The following GRID2 variants were observed in gnomAD, a reference collection of about 807,000 sequenced individuals.
GRID2 encodes glutamate receptor ionotropic, delta-2.
A neutral mutation model predicts 114.8 loss-of-function variants in GRID2; 33 were observed. The ratio of observed to expected loss-of-function variants is 0.29; its 90% CI spans 0.22 to 0.38. GRID2 has a LOEUF of 0.38. Among genes scored for constraint, GRID2 ranks in the 10% least tolerant of loss-of-function variants. The pLI, the probability that GRID2 is intolerant of heterozygous loss-of-function variation, is 1.00. For missense variants in GRID2, 1,184 were observed against 1,257.7 expected (o/e 0.94, Z 0.89); for synonymous variants, 505 against 449.9 (o/e 1.12, Z -1.55).
At chr4:92,636,188 G>A (rs1325972467) in intron 2 of GRID2, among the ~76,000 whole-genome samples, 3 of 151,816 alleles carry the variant, frequency 2.0e-5, no homozygotes, top group Middle Eastern at 3.2e-3. Flanking sequence ...TTACTATTTC[G>A]TTGAAGATTA....
intron 8 of GRID2, among the ~76,000 whole-genome samples, chr4:93,315,451 GT>G (rs1756484047): frequency 6.6e-6 from 1 of 152,072 alleles, no homozygotes; most frequent in Non-Finnish European, 1.5e-5. Context: ...TTCTAGGAGT[GT>G]CCCCCTCCTA....
At chr4:92,531,435 GACA>G (rs970440464) in intron 1 of GRID2, among the ~76,000 whole-genome samples, 45 of 151,978 alleles carry the variant, frequency 3.0e-4, no homozygotes, top group African/African-American at 1.1e-3. Flanking sequence ...AAAACATGGA[GACA>G]ACAACATTTA....
chr4:93,769,162 G>C (rs1386157603), intron 14 of GRID2, 48 bp from the exon 15 acceptor site: 11 of 1,600,272 alleles, frequency 6.9e-6, no homozygotes, highest in Non-Finnish European at 8.6e-6. Flanking sequence ...GTGAACCAGG[G>C]CGATAACTAT....
chr4:93,484,261 A>G (rs1258738185), intron 11 of GRID2, among the ~76,000 whole-genome samples: 2 of 151,968 alleles, frequency 1.3e-5, no homozygotes, highest in South Asian at 4.1e-4. Context: ...CTTTTCCTCA[A>G]TCATTTTTCA....
chr4:92,900,987 A>C (rs1044636480), intron 2 of GRID2, among the ~76,000 whole-genome samples: 1 of 149,332 alleles, frequency 6.7e-6, no homozygotes, highest in Non-Finnish European at 1.5e-5. Flanking sequence ...TGTTTTAGAC[A>C]CTTAGGTTGA....
intron 2 of GRID2, among the ~76,000 whole-genome samples, chr4:92,723,478 A>T (rs1288639751): frequency 6.6e-6 from 1 of 152,186 alleles, no homozygotes; most frequent in East Asian, 1.9e-4. Context: ...TCTTTGAATC[A>T]TTACTTAAAT....
chr4:93,005,574 A>G (rs1391156342), intron 2 of GRID2, among the ~76,000 whole-genome samples: 1 of 152,104 alleles, frequency 6.6e-6, no homozygotes, highest in Non-Finnish European at 1.5e-5. Flanking sequence ...AATTGAAAAC[A>G]GGTATGCAAA....
chr4:93,014,942 C>T (rs1722534290), intron 2 of GRID2, among the ~76,000 whole-genome samples: 2 of 151,972 alleles, frequency 1.3e-5, no homozygotes, highest in South Asian at 4.1e-4. Flanking sequence ...AGATTCATTT[C>T]ACTGGAAAAA....
intron 2 of GRID2, among the ~76,000 whole-genome samples, chr4:92,835,730 T>C (rs1258224504): frequency 6.6e-6 from 1 of 152,154 alleles, no homozygotes; most frequent in East Asian, 1.9e-4. Context: ...TCCCTACATT[T>C]CCTAAAATTT....
At chr4:92,436,755 T>A (rs563402929) in intron 1 of GRID2, among the ~76,000 whole-genome samples, 11 of 152,244 alleles carry the variant, frequency 7.2e-5, no homozygotes, top group Admixed American at 1.3e-4. Flanking sequence ...TCTACATACA[T>A]TTAATATTGA....
chr4:93,668,240 T>C (rs957691035), intron 14 of GRID2, among the ~76,000 whole-genome samples: 1 of 152,032 alleles, frequency 6.6e-6, no homozygotes, highest in Non-Finnish European at 1.5e-5. Flanking sequence ...TCCCAAATAA[T>C]CACTATGAAA....
At chr4:92,530,701 A>G (rs977569154) in intron 1 of GRID2, among the ~76,000 whole-genome samples, 10 of 149,464 alleles carry the variant, frequency 6.7e-5, no homozygotes, top group Non-Finnish European at 1.5e-4. Context: ...GGAGCTTGAG[A>G]TCAGACTGAC....
At chr4:92,565,771 C>G (rs1727306441) in intron 1 of GRID2, among the ~76,000 whole-genome samples, 1 of 151,972 alleles carries the variant, frequency 6.6e-6, no homozygotes, top group Non-Finnish European at 1.5e-5. Context: ...ACTAGTTGCT[C>G]TCAGACACTA....
At chr4:93,588,450 A>G (rs1472420252) in intron 13 of GRID2, among the ~76,000 whole-genome samples, 1 of 152,156 alleles carries the variant, frequency 6.6e-6, no homozygotes, top group Non-Finnish European at 1.5e-5. Context: ...CAAACAGTCG[A>G]TCACCAGTGT....
intron 14 of GRID2, among the ~76,000 whole-genome samples, chr4:93,629,621 G>C (rs951756400): frequency 6.6e-6 from 1 of 151,840 alleles, no homozygotes; most frequent in African/African-American, 2.4e-5. Context: ...TCAGCATCCG[G>C]GGCCATTGAT....
intron 14 of GRID2, among the ~76,000 whole-genome samples, chr4:93,763,369 G>A (rs1242694895): frequency 6.6e-6 from 1 of 152,086 alleles, no homozygotes; most frequent in African/African-American, 2.4e-5. Context: ...CCACTGCTCA[G>A]TAGGCACAGT....
Position 92,866,607 on chromosome 4 carries a change from G to A in GRID2, c.245-218388G>A, listed in dbSNP as rs142852538. Reference sequence around the variant, plus strand: ...CACCCAGGCTGGAGTGCAGTGGCACGATCTCAGCTCACTGCAAGGTCCGCC... The same window carrying A: ...CACCCAGGCTGGAGTGCAGTGGCACAATCTCAGCTCACTGCAAGGTCCGCC... On this transcript the variant is annotated intron_variant, in intron 2 of 15. Coordinates refer to ENST00000282020, the MANE Select transcript of GRID2 (RefSeq NM_001510.4). Among the ~76,000 whole-genome samples the A allele has an allele frequency of 1.3e-3, 202 of 151,390 alleles. 5 individuals carry two copies. The East Asian group carries it at 0.037, about 27-fold the overall frequency.
At chr4:92,635,792 G>A (rs563565359) in intron 2 of GRID2, among the ~76,000 whole-genome samples, 1 of 152,140 alleles carries the variant, frequency 6.6e-6, no homozygotes, top group South Asian at 2.1e-4. Context: ...ACACCATGTT[G>A]CTACCAATTA....
rs1248420914 is a variant in GRID2 at position 92,579,653 on chromosome 4, G to A, written c.89-10478G>A. On this transcript the variant is annotated intron_variant, in intron 1 of 15. Coordinates refer to ENST00000282020, the MANE Select transcript of GRID2 (RefSeq NM_001510.4). The stretch of plus-strand genomic sequence containing the variant: ...ATTCATCTAACTTTTCTGATTCTTA[G>A]TCTCCTCAACTGTAAAATGAGGATT... Among the ~76,000 whole-genome samples, 4 of 151,764 alleles carry A rather than the reference G, an allele frequency of 2.6e-5. No individual in the cohort carries two copies. The East Asian group carries it at 7.8e-4, about 29-fold the overall frequency.
Sources: gnomAD v4.1 joint callset for allele counts (sites outside exome capture counted in the v4.1 genomes callset) on GRCh38, gnomAD v4.1.1 for gene constraint, MANE v1.5 for transcripts, NCBI Gene and HGNC (gene_info 2026-07-23, HGNC 2026-07-21) for gene names.